CLDN10: variants seen among roughly 807,000 people sequenced by gnomAD.
CLDN10 encodes claudin 10.
A neutral mutation model predicts 22.9 loss-of-function variants in CLDN10; 15 were observed. That is an observed-to-expected ratio of 0.65 (90% CI 0.44 to 1.01). The LOEUF (loss-of-function observed/expected upper bound fraction) is 1.01, where lower values mean the gene tolerates loss of function less well. CLDN10 is among the 50% of genes least tolerant of loss of function. CLDN10 has a pLI of 0.00. For synonymous variants in CLDN10, 114 were observed against 111.4 expected, an observed-to-expected ratio of 1.02 and a Z score of -0.15; for missense variants, 247 against 287.8, an observed-to-expected ratio of 0.86 and a Z score of 1.03.
chr13:95,552,214 CAG>C (rs1422241727), upstream of CLDN10, among the ~76,000 whole-genome samples: 1 of 152,256 alleles, frequency 6.6e-6, no homozygotes, highest in African/African-American at 2.4e-5. Flanking sequence ...ACAAGTCAAA[CAG>C]AGTCACCCAA....
chr13:95,569,181 G>C (rs1360964611), intron 3 of CLDN10, among the ~76,000 whole-genome samples: 2 of 151,666 alleles, frequency 1.3e-5, no homozygotes, highest in African/African-American at 4.8e-5. Context: ...ATTAAGGTTA[G>C]CCACAGAGAA....
chr13:95,525,978 G>A (rs993469331), intron 1 of CLDN10, among the ~76,000 whole-genome samples: 7 of 152,280 alleles, frequency 4.6e-5, no homozygotes, highest in South Asian at 2.1e-4. Flanking sequence ...CTCCTGGATC[G>A]TTCTTCTATA....
At chr13:95,540,231 T>C (rs1249020962) in intron 1 of CLDN10, among the ~76,000 whole-genome samples, 7 of 151,858 alleles carry the variant, frequency 4.6e-5, no homozygotes, top group Middle Eastern at 3.2e-3. Context: ...ACCCGGGAGA[T>C]GGAGGTTACA....
At chr13:95,540,253 T>G (rs1489160082) in intron 1 of CLDN10, among the ~76,000 whole-genome samples, 10 of 151,804 alleles carry the variant, frequency 6.6e-5, no homozygotes, top group Non-Finnish European at 1.5e-5. Flanking sequence ...TGAGCTAAGA[T>G]CACGCCACTG....
chr13:95,561,852 C>T (rs779431102), intron 3 of CLDN10, among the ~76,000 whole-genome samples: 1 of 149,628 alleles, frequency 6.7e-6, no homozygotes, highest in East Asian at 2.0e-4. Context: ...TGCAGCCTTG[C>T]GCTTCTGCAC....
At chr13:95,436,049 CT>C (rs2042267497) in intron 1 of CLDN10, among the ~76,000 whole-genome samples, 1 of 151,922 alleles carries the variant, frequency 6.6e-6, no homozygotes, top group African/African-American at 2.4e-5. Flanking sequence ...ATGTGTTCAA[CT>C]TTAGCTTCAA....
In CLDN10 at chr13:95,575,590, C is replaced by CGTGTGTGTGTGTGTGTGTGT. The variant is rs112441621; in HGVS notation, c.465-1629_465-1628insGTGTGTGTGTGTGTGTGTGT. 6.7e-3 allele frequency among the ~76,000 whole-genome samples: 1,010 copies of CGTGTGTGTGTGTGTGTGTGT among 151,732 alleles called. 7 individuals are homozygous for CGTGTGTGTGTGTGTGTGTGT. Among genetic ancestry groups the CGTGTGTGTGTGTGTGTGTGT allele is most frequent in the South Asian group, 0.024 (114 of 4,798 alleles). ...CACCTGTGGACTTCGCTGCTCAGTT[C>CGTGTGTGTGTGTGTGTGTGT]GTGTGTGTGTGTAGACTGAGGGTGT... On this transcript the variant is annotated intron_variant, in intron 3 of 4. Transcript: ENST00000299339.
chr13:95,448,376 C>A (rs1018472616), intron 1 of CLDN10, among the ~76,000 whole-genome samples: 7 of 152,182 alleles, frequency 4.6e-5, no homozygotes, highest in African/African-American at 1.7e-4. Context: ...CACATATACA[C>A]CCATTGACCC....
At chr13:95,465,429 A>G (rs2042574187) in intron 1 of CLDN10, among the ~76,000 whole-genome samples, 1 of 152,192 alleles carries the variant, frequency 6.6e-6, no homozygotes, top group Non-Finnish European at 1.5e-5. Flanking sequence ...TTATTATCTT[A>G]ACTTTAGAGA....
chr13:95,452,602 T>C (rs925169156), intron 1 of CLDN10, among the ~76,000 whole-genome samples: 12 of 152,216 alleles, frequency 7.9e-5, no homozygotes, highest in Non-Finnish European at 1.0e-4. Flanking sequence ...TGGACATTTC[T>C]ATGAGGGCTC....
chr13:95,554,294 A>C (rs1478378498), intron 1 of CLDN10, among the ~76,000 whole-genome samples: 1 of 152,192 alleles, frequency 6.6e-6, no homozygotes, highest in Non-Finnish European at 1.5e-5. Context: ...TATAGTCAGC[A>C]ATGTGTTACT....
chr13:95,449,813 C>G (rs7981406), intron 1 of CLDN10, among the ~76,000 whole-genome samples: 48,083 of 149,684 alleles, frequency 0.32, 8,503 homozygotes, highest in Non-Finnish European at 0.39. Context: ...GCACAACCTC[C>G]GCTCACTGCA....
chr13:95,444,631 A>G (rs1481523771), intron 1 of CLDN10, among the ~76,000 whole-genome samples: 1 of 152,236 alleles, frequency 6.6e-6, no homozygotes, highest in Non-Finnish European at 1.5e-5. Flanking sequence ...AAGTTTCACA[A>G]GAAGTTTGCC....
intron 1 of CLDN10, among the ~76,000 whole-genome samples, chr13:95,461,965 T>C (rs1188315522): frequency 6.6e-6 from 1 of 151,234 alleles, no homozygotes; most frequent in Non-Finnish European, 1.5e-5. Flanking sequence ...AGCACAATGG[T>C]GCCATCTGTA....
chr13:95,514,865 T>C (rs964279051), intron 1 of CLDN10, among the ~76,000 whole-genome samples: 7 of 152,172 alleles, frequency 4.6e-5, no homozygotes, highest in Admixed American at 1.3e-4. Context: ...AGGGCAAGCA[T>C]GGAAGCCATT....
chr13:95,537,553 C>T (rs151112416), intron 1 of CLDN10, among the ~76,000 whole-genome samples: 291 of 152,222 alleles, frequency 1.9e-3, no homozygotes, highest in African/African-American at 6.6e-3. Context: ...AGTGCAAAGA[C>T]GAAACCATTT....
chr13:95,575,944 A>T (rs1187720486), intron 3 of CLDN10, among the ~76,000 whole-genome samples: 1 of 152,240 alleles, frequency 6.6e-6, no homozygotes. Context: ...TGCCAGTGCC[A>T]GGTACCATGC....
At position 95,448,492 on chromosome 13, in the gene CLDN10, A is replaced by G. The variant is rs565128147; in HGVS notation, c.214+14445A>G. Among the ~76,000 whole-genome samples, 5 of 152,320 alleles carry G rather than the reference A, an allele frequency of 3.3e-5. No homozygotes were observed. In the South Asian group the frequency reaches 1.0e-3, roughly 32 times the overall value. ...CACGCATAGTCATCGGAGGGAAAGA[A>G]AGACTTAGAGACCAAGATTTTCACA... On this transcript the variant is annotated intron_variant, in intron 1 of 4. Coordinates refer to the CLDN10 transcript ENST00000376873.
intron 1 of CLDN10, among the ~76,000 whole-genome samples, chr13:95,525,898 C>G (rs2043275723): frequency 6.6e-6 from 1 of 152,134 alleles, no homozygotes; most frequent in Non-Finnish European, 1.5e-5. Flanking sequence ...TGCGCCTGTA[C>G]TTTCCCATGC....
Sources: gnomAD v4.1 joint callset for allele counts (sites outside exome capture counted in the v4.1 genomes callset) on GRCh38, gnomAD v4.1.1 for gene constraint, MANE v1.5 for transcripts, NCBI Gene and HGNC (gene_info 2026-07-23, HGNC 2026-07-21) for gene names.